The following PCGF6 variants were observed in gnomAD, a reference collection of about 807,000 sequenced individuals.
PCGF6 encodes polycomb group RING finger protein 6.
In PCGF6, 24 loss-of-function variants were observed where a neutral mutation model predicts 45.5. The ratio of observed to expected loss-of-function variants is 0.53; its 90% CI spans 0.38 to 0.74. The LOEUF is 0.74. Ranked by LOEUF, PCGF6 falls within the 30% of genes least tolerant of loss-of-function variation. The pLI is 0.00. For missense variants in PCGF6, 356 were observed against 443.2 expected, an observed-to-expected ratio of 0.80 and a Z score of 1.77; for synonymous variants, 152 against 162.1, an observed-to-expected ratio of 0.94 and a Z score of 0.47.
At chr10:103,340,882 C>T (rs1457311042) in intron 6 of PCGF6, among the ~76,000 whole-genome samples, 5 of 152,140 alleles carry the variant, frequency 3.3e-5, no homozygotes, top group Admixed American at 6.6e-5. Flanking sequence ...GGATTACAGG[C>T]ATAAGCCACC....
Position 103,347,268 on chromosome 10 carries a change from T to A in PCGF6, c.643A>T (p.Lys215Ter), listed in dbSNP as rs1260396663. ...TTAGGTACTTCTAGACCTCTTTCTT[T>A]ATAGAAATCATGCATTTGCTTTTTT... The part of the protein sequence containing the change: ...REKKQMHDFY[K>*]ERGLEVPKPA... Residue 215 changes from lysine (K) to a stop codon, truncating the protein, a stop_gained, in exon 5 of 10, where the codon AAA (lysine) becomes TAA (stop). Coordinates refer to ENST00000369847, the MANE Select transcript of PCGF6 (RefSeq NM_001011663.2). LOFTEE classifies it high-confidence loss of function. 6.2e-7 allele frequency: 1 copy of A among 1,609,444 alleles called. No individual in the cohort carries two copies. Among genetic ancestry groups the A allele is most frequent in the Non-Finnish European group, 8.5e-7 (1 of 1,175,924 alleles).
Position 103,350,689 on chromosome 10 carries a change from C to A in PCGF6, c.360+18G>T. 6.8e-7 allele frequency: 1 copy of A among 1,463,574 alleles called. No homozygotes were observed. The highest frequency in any genetic ancestry group is 9.1e-7 in the Non-Finnish European group (1 of 1,101,438). 90.7% of individuals were successfully genotyped at this position (1,463,574 alleles called of 1,614,324 possible). A position where few individuals can be genotyped will look rare whatever the true frequency, so the allele number is the denominator to read the frequency against. The stretch of plus-strand genomic sequence containing the variant: ...ACGCCGCTTGGGCCCAGCGGGGTCG[C>A]GCGGGGGCTCTAAATACCTCCTCCT... On this transcript the variant is annotated intron_variant, in intron 1 of 9. Coordinates refer to ENST00000369847, the MANE Select transcript of PCGF6 (RefSeq NM_001011663.2).
chr10:103,333,234 G>A (rs2093246568), intron 7 of PCGF6, among the ~76,000 whole-genome samples: 1 of 151,838 alleles, frequency 6.6e-6, no homozygotes, highest in Non-Finnish European at 1.5e-5. Flanking sequence ...CTATTCCTAT[G>A]CTTTAATTCA....
chr10:103,323,978 C>T (rs1347228295), intron 8 of PCGF6, among the ~76,000 whole-genome samples: 1 of 151,780 alleles, frequency 6.6e-6, no homozygotes, highest in Non-Finnish European at 1.5e-5. Flanking sequence ...ATCACTCTGT[C>T]GCCCAGGCTG....
At chr10:103,304,140 C>CTTT (rs34732054) in intron 9 of PCGF6, among the ~76,000 whole-genome samples, 179 bp from the exon 10 acceptor site, 2 of 142,754 alleles carry the variant, frequency 1.4e-5, no homozygotes, top group Admixed American at 7.0e-5. Flanking sequence ...TGTGAATGTG[C>CTTT]TTTTTTTTTT....
rs2093317457 is a variant in PCGF6, at chr10:103,350,647, G to A, written c.360+60C>T. The A allele has an allele frequency of 4.4e-6, 6 of 1,376,814 alleles. No individual in the cohort carries two copies. In the Admixed American group the frequency reaches 1.6e-4, roughly 37 times the overall value. 85.3% of individuals were successfully genotyped at this position (1,376,814 alleles called of 1,614,324 possible). A position where few individuals can be genotyped will look rare whatever the true frequency, so the allele number is the denominator to read the frequency against. On this transcript the variant is annotated intron_variant, in intron 1 of 9. Coordinates refer to ENST00000369847, the MANE Select transcript of PCGF6 (RefSeq NM_001011663.2). ...ATCGGGCCGGCGCCCGGCAGACGAG[G>A]GCCAGCTACGTCCCTGACGCCGCTT...
chr10:103,322,162 C>T (rs1564727083), intron 8 of PCGF6, among the ~76,000 whole-genome samples: 1 of 152,114 alleles, frequency 6.6e-6, no homozygotes, highest in African/African-American at 2.4e-5. Context: ...TCTGAAAGTG[C>T]TGGGATTACA....
intron 7 of PCGF6, among the ~76,000 whole-genome samples, chr10:103,327,123 C>T (rs1301069007): frequency 6.6e-6 from 1 of 152,038 alleles, no homozygotes; most frequent in African/African-American, 2.4e-5. Flanking sequence ...CCCGTCTCTA[C>T]TAAAAATACA....
intron 8 of PCGF6, among the ~76,000 whole-genome samples, chr10:103,321,192 G>C (rs534953720): frequency 6.6e-6 from 1 of 152,192 alleles, no homozygotes; most frequent in African/African-American, 2.4e-5. Context: ...CTTTCTTTTT[G>C]AGACAGGGTC....
At chr10:103,326,655 CTAT>C (rs1564728786) in intron 7 of PCGF6, 23 bp from the exon 8 acceptor site, 2 of 1,583,222 alleles carry the variant, frequency 1.3e-6, no homozygotes, top group Admixed American at 1.7e-5. Flanking sequence ...ACAGATAAAA[CTAT>C]TTTTAGGTTA....
chr10:103,322,674 T>C (rs1384172984), intron 8 of PCGF6, among the ~76,000 whole-genome samples: 2 of 151,108 alleles, frequency 1.3e-5, no homozygotes, highest in Non-Finnish European at 3.0e-5. Context: ...ATACAAACAA[T>C]TTAGCCGGGC....
chr10:103,341,186 G>A (rs949175632), intron 6 of PCGF6, among the ~76,000 whole-genome samples: 14 of 151,806 alleles, frequency 9.2e-5, no homozygotes, highest in African/African-American at 2.9e-4. Flanking sequence ...CCGAGATTGC[G>A]CCATTGCACT....
intron 6 of PCGF6, among the ~76,000 whole-genome samples, chr10:103,343,257 C>G (rs188931494): frequency 1.3e-5 from 2 of 151,184 alleles, no homozygotes; most frequent in Non-Finnish European, 2.9e-5. Flanking sequence ...GTTGAGAGCA[C>G]GAAGTGGATA....
intron 6 of PCGF6, among the ~76,000 whole-genome samples, chr10:103,338,590 G>A (rs2093267286): frequency 6.6e-6 from 1 of 151,798 alleles, no homozygotes. Context: ...TACCCTGTTG[G>A]GTGCAGTGGC....
chr10:103,350,160 A>C, intron 1 of PCGF6, among the ~76,000 whole-genome samples: 1 of 151,676 alleles, frequency 6.6e-6, no homozygotes. Flanking sequence ...TATACAGGAC[A>C]GGCAACGTGG....
At position 103,350,688 on chromosome 10, in the gene PCGF6, G is replaced by A. The variant is rs765568876; in HGVS notation, c.360+19C>T. Reference sequence around the variant, plus strand: ...GACGCCGCTTGGGCCCAGCGGGGTCGCGCGGGGGCTCTAAATACCTCCTCC... The same window carrying A: ...GACGCCGCTTGGGCCCAGCGGGGTCACGCGGGGGCTCTAAATACCTCCTCC... On this transcript the variant is annotated intron_variant, in intron 1 of 9. Coordinates refer to ENST00000369847, the MANE Select transcript of PCGF6 (RefSeq NM_001011663.2). The A allele has an allele frequency of 6.9e-7, 1 of 1,456,252 alleles. No homozygotes were observed. Among genetic ancestry groups the A allele is most frequent in the Non-Finnish European group, 9.1e-7 (1 of 1,097,508 alleles). The allele number at this position is 1,456,252 out of a possible 1,614,324, so 90.2% of individuals were successfully genotyped here. A position where few individuals can be genotyped will look rare whatever the true frequency, so the allele number is the denominator to read the frequency against.
At chr10:103,317,878 C>G in intron 8 of PCGF6, among the ~76,000 whole-genome samples, 1 of 151,600 alleles carries the variant, frequency 6.6e-6, no homozygotes, top group East Asian at 2.0e-4. Flanking sequence ...CCTGCCTCAG[C>G]CTCCCAAGTA....
chr10:103,349,037 T>C (rs2093309979), intron 1 of PCGF6, 38 bp from the exon 2 acceptor site: 3 of 1,532,446 alleles, frequency 2.0e-6, no homozygotes, highest in South Asian at 1.2e-5. Context: ...ATACAAGTCC[T>C]TGCCTTTTAC....
Position 103,325,980 on chromosome 10 carries a change from T to C in PCGF6, c.909+554A>G, listed in dbSNP as rs569779392. Among the ~76,000 whole-genome samples, 4 of 152,044 alleles carry C rather than the reference T, an allele frequency of 2.6e-5. No individual in the cohort carries two copies. The South Asian group carries it at 8.3e-4, about 32-fold the overall frequency. On this transcript the variant is annotated intron_variant, in intron 8 of 9. Transcript: ENST00000369847. ...AAAACCTCAAGGTTGTAGTGAGCCA[T>C]GATCGTGTCAATGTACTTCAGCCTG... is the stretch of plus-strand genomic sequence containing the variant.
Sources: gnomAD v4.1 joint callset for allele counts (sites outside exome capture counted in the v4.1 genomes callset) on GRCh38, gnomAD v4.1.1 for gene constraint, MANE v1.5 for transcripts, NCBI Gene and HGNC (gene_info 2026-07-23, HGNC 2026-07-21) for gene names.